The following MYCBP2 variants were observed in gnomAD, a reference collection of about 807,000 sequenced individuals.
The protein encoded by MYCBP2 is MYC binding protein 2, also known as E3 ubiquitin-protein ligase MYCBP2.
A neutral mutation model predicts 525.3 loss-of-function variants in MYCBP2; 120 were observed. That is an observed-to-expected ratio of 0.23 (90% CI 0.20 to 0.27). The LOEUF is 0.27. Ranked by LOEUF, MYCBP2 falls within the 10% of genes least tolerant of loss-of-function variation. MYCBP2 has a pLI of 1.00. For synonymous variants in MYCBP2, 1,894 were observed against 1,955.8 expected (o/e 0.97, Z 0.83); for missense variants, 4,149 against 5,657.1 (o/e 0.73, Z 8.55).
At chr13:77,320,968 G>A (rs2081531002) in intron 1 of MYCBP2, among the ~76,000 whole-genome samples, 1 of 152,152 alleles carries the variant, frequency 6.6e-6, no homozygotes, top group African/African-American at 2.4e-5. Context: ...GTAACCAGGG[G>A]TAGGAGGGCC....
intron 58 of MYCBP2, among the ~76,000 whole-genome samples, chr13:77,093,773 A>C (rs1184560025): frequency 1.3e-5 from 2 of 152,164 alleles, no homozygotes; most frequent in African/African-American, 4.8e-5. Flanking sequence ...TTTCTTGCAC[A>C]GACCACTGAA....
chr13:77,226,577 G>C (rs1423687018), intron 18 of MYCBP2, among the ~76,000 whole-genome samples: 1 of 152,160 alleles, frequency 6.6e-6, no homozygotes, highest in Admixed American at 6.5e-5. Context: ...TGTATTATAT[G>C]AAGATACATA....
intron 47 of MYCBP2, among the ~76,000 whole-genome samples, chr13:77,148,843 T>A (rs547142397): frequency 6.6e-6 from 1 of 152,100 alleles, no homozygotes; most frequent in Non-Finnish European, 1.5e-5. Context: ...CCAAAACACA[T>A]AATTACTGTT....
intron 27 of MYCBP2, among the ~76,000 whole-genome samples, chr13:77,193,707 T>A (rs1461163726): frequency 6.6e-6 from 1 of 152,124 alleles, no homozygotes; most frequent in East Asian, 1.9e-4. Context: ...TCCCCAAGTG[T>A]GTTATTATCA....
intron 1 of MYCBP2, among the ~76,000 whole-genome samples, chr13:77,308,308 T>C (rs1193522513): frequency 6.6e-6 from 1 of 152,244 alleles, no homozygotes; most frequent in African/African-American, 2.4e-5. Flanking sequence ...GGCCTTACTC[T>C]ATTAATTATT....
Position 77,171,626 on chromosome 13 carries a change from A to C in MYCBP2, c.5660T>G (p.Phe1887Cys), listed in dbSNP as rs780888036. The C allele has an allele frequency of 9.3e-6, 15 of 1,614,120 alleles. No individual in the cohort carries two copies. The highest frequency in any genetic ancestry group is 2.7e-5 in the African/African-American group (2 of 75,066). Residue 1887 changes from phenylalanine (F) to cysteine (C), a missense_variant, in exon 38 of 83, where the codon TTT (phenylalanine) becomes TGT (cysteine). Physicochemically the swap from Phe to Cys is radical, Grantham distance 205. Around this residue, in one of 21 missense-constraint regions of MYCBP2, gnomAD observed 692 missense variants for 852.7 expected, o/e 0.81. Coordinates refer to ENST00000544440, the MANE Select transcript of MYCBP2 (RefSeq NM_015057.5). ...IPQILYYRSE[F>C]DGDLQSQLLS... Reference sequence around the variant, plus strand: ...AAGTTGGGATTGTAAATCTCCATCAAATTCACTCCTGTAGCATGAGCAAAC... The same window carrying C: ...AAGTTGGGATTGTAAATCTCCATCACATTCACTCCTGTAGCATGAGCAAAC...
chr13:77,081,088 A>G lies in MYCBP2; in HGVS notation c.11418+339T>C, dbSNP rs4470045. On this transcript the variant is annotated intron_variant, in intron 65 of 82. Coordinates refer to ENST00000544440, the MANE Select transcript of MYCBP2 (RefSeq NM_015057.5). This position sits in a 1 kb window ranked among gnomAD's most constrained non-coding sequence, Gnocchi z 4.6. ...CTCTGCTGAGTTTGAGAGACCCTGG[A>G]AGAATTGATCAGCAGAGTTTAAGGG... 0.99 allele frequency: 216,774 copies of G among 218,206 alleles called. 107,693 individuals carry two copies. The highest frequency in any genetic ancestry group is 1 in the Middle Eastern group (598 of 598). The allele number at this position is 218,206 out of a possible 1,614,324, so 13.5% of individuals were successfully genotyped here. A position where few individuals can be genotyped will look rare whatever the true frequency, so the allele number is the denominator to read the frequency against.
intron 73 of MYCBP2, 40 bp from the exon 74 acceptor site, chr13:77,062,737 G>GAA (rs2039523617): frequency 6.6e-7 from 1 of 1,525,200 alleles, no homozygotes; most frequent in Non-Finnish European, 9.1e-7. Flanking sequence ...GAATTTTTAG[G>GAA]AAAGACTTAT....
chr13:77,139,255 C>T lies in MYCBP2; in HGVS notation c.7600G>A (p.Glu2534Lys). 6.2e-7 allele frequency: 1 copy of T among 1,613,946 alleles called. No individual in the cohort carries two copies. Among genetic ancestry groups the T allele is most frequent in the East Asian group, 2.2e-5 (1 of 44,868 alleles). Reference sequence around the variant, plus strand: ...TGATTAAAAGAGAGGCACCAGGCTTCAGTGTAACCATTCATGTTAGGGACA... The same window carrying T: ...TGATTAAAAGAGAGGCACCAGGCTTTAGTGTAACCATTCATGTTAGGGACA... ...KYVPNMNGYTEAWCLSFNQHL... is the reference protein window; with the variant it reads ...KYVPNMNGYTKAWCLSFNQHL... The change falls in exon 52 of 83, where the codon GAA becomes AAA. Residue 2534 changes from glutamate (E) to lysine (K), a missense_variant. Around this residue, in one of 21 missense-constraint regions of MYCBP2, gnomAD observed 692 missense variants for 852.7 expected, o/e 0.81. Coordinates refer to ENST00000544440, the MANE Select transcript of MYCBP2 (RefSeq NM_015057.5).
chr13:77,182,538 T>C (rs1566839350), intron 32 of MYCBP2, among the ~76,000 whole-genome samples: 1 of 152,230 alleles, frequency 6.6e-6, no homozygotes, highest in Non-Finnish European at 1.5e-5. Context: ...CAGAGTAACA[T>C]TCCATATGTT....
chr13:77,258,780 T>C (rs753388461), intron 13 of MYCBP2, among the ~76,000 whole-genome samples: 3 of 152,206 alleles, frequency 2.0e-5, no homozygotes, highest in Non-Finnish European at 2.9e-5. Context: ...CTTTGAGACC[T>C]TACATGATGT....
chr13:77,193,013 CA>C (rs1452080478), intron 27 of MYCBP2, among the ~76,000 whole-genome samples: 2 of 152,088 alleles, frequency 1.3e-5, no homozygotes, highest in Non-Finnish European at 2.9e-5. Context: ...ACTGTAGTCC[CA>C]ACTACTCAGG....
intron 1 of MYCBP2, among the ~76,000 whole-genome samples, chr13:77,297,931 C>T (rs543677273): frequency 8.1e-4 from 124 of 152,332 alleles, no homozygotes; most frequent in African/African-American, 2.8e-3. Flanking sequence ...CATTTCTGCA[C>T]ATCCATACCC....
Position 77,251,138 on chromosome 13 carries a change from C to A in MYCBP2, c.2381+13G>T, listed in dbSNP as rs1398481417. 1.2e-6 allele frequency: 2 copies of A among 1,612,246 alleles called. No homozygotes were observed. The highest frequency in any genetic ancestry group is 2.2e-5 in the South Asian group (2 of 90,890). Reference sequence around the variant, plus strand: ...TCTGCACATGTTCTTTAGTAGGAATCATTGTCTCTTACCCTCCGGGGACTC... The same window carrying A: ...TCTGCACATGTTCTTTAGTAGGAATAATTGTCTCTTACCCTCCGGGGACTC... On this transcript the variant is annotated intron_variant, in intron 15 of 82. Transcript: ENST00000544440.
chr13:77,098,749 C>T lies in MYCBP2; in HGVS notation c.8405G>A (p.Gly2802Glu), dbSNP rs767960781. The change falls in exon 56 of 83, where the codon GGG becomes GAG. Residue 2802 changes from glycine to glutamate, a missense_variant. Physicochemically the swap from Gly to Glu is moderately conservative, Grantham distance 98. This residue lies in a region of MYCBP2 where 653 missense variants were observed against 744.7 expected (regional missense o/e 0.88). Coordinates refer to ENST00000544440, the MANE Select transcript of MYCBP2 (RefSeq NM_015057.5). ...HNTLQTLKSD[G>E]RMPSSSRAES... ...AGCTCTGGAGCTAGAAGGCATCCTCCCATCAGATTTCAATGTCTGCAAGGT... is the reference window on the plus strand; with the variant it reads ...AGCTCTGGAGCTAGAAGGCATCCTCTCATCAGATTTCAATGTCTGCAAGGT... 1 of 1,613,438 alleles carries T rather than the reference C, an allele frequency of 6.2e-7. No individual in the cohort carries two copies. Among genetic ancestry groups the T allele is most frequent in the Non-Finnish European group, 8.5e-7 (1 of 1,179,718 alleles).
intron 55 of MYCBP2, among the ~76,000 whole-genome samples, chr13:77,112,582 T>C (rs1054657526): frequency 1.3e-5 from 2 of 151,698 alleles, no homozygotes; most frequent in African/African-American, 4.8e-5. Context: ...TGCATCACTA[T>C]GCCCAGCTGA....
Position 77,058,951 on chromosome 13 carries a change from C to G in MYCBP2, c.13141-545G>C, listed in dbSNP as rs1202328735. 6.6e-6 allele frequency among the ~76,000 whole-genome samples: 1 copy of G among 152,108 alleles called. No individual in the cohort carries two copies. Among genetic ancestry groups the G allele is most frequent in the African/African-American group, 2.4e-5 (1 of 41,408 alleles). The stretch of plus-strand genomic sequence containing the variant: ...AGTGAGCCGAGATCGTGCCACTGTA[C>G]TCCAGCCTGGGCGACACAGCCAGAC... On this transcript the variant is annotated intron_variant, in intron 77 of 82. Coordinates refer to ENST00000544440, the MANE Select transcript of MYCBP2 (RefSeq NM_015057.5). This position sits in a 1 kb window ranked among gnomAD's most constrained non-coding sequence, Gnocchi z 4.1.
chr13:77,190,457 G>C, intron 28 of MYCBP2, 122 bp from the exon 29 acceptor site: 1 of 618,984 alleles, frequency 1.6e-6, no homozygotes. Flanking sequence ...ATAAAGAAAA[G>C]CAAAAAGGTA....
At chr13:77,079,776 C>T (rs2042978573) in intron 65 of MYCBP2, among the ~76,000 whole-genome samples, 1 of 152,146 alleles carries the variant, frequency 6.6e-6, no homozygotes, top group Non-Finnish European at 1.5e-5. Flanking sequence ...AGAAATGCTC[C>T]AATATGCATT....
Sources: allele counts gnomAD v4.1 joint callset (sites outside exome capture counted in the v4.1 genomes callset), GRCh38; gene constraint gnomAD v4.1.1; regional missense constraint gnomAD v4.1.1; non-coding constraint Gnocchi (gnomAD v3.1); transcripts MANE v1.5; gene names NCBI Gene and HGNC (gene_info 2026-07-23, HGNC 2026-07-21).